The following CADM1 variants were observed in gnomAD, a reference collection of about 807,000 sequenced individuals.
CADM1 encodes the protein TSLC-1.
Under a neutral mutation model 53.1 loss-of-function variants are expected in CADM1, and 15 were observed. The observed-to-expected ratio is 0.28, with a 90% CI of 0.19 to 0.44. The LOEUF is 0.44. Among genes scored for constraint, CADM1 ranks in the 20% least tolerant of loss-of-function variants. The probability of loss-of-function intolerance (pLI) is 1.00; values close to 1 mark genes in which losing one functional copy is unlikely to be tolerated. For missense variants in CADM1, 434 were observed against 611.3 expected (o/e 0.71, Z 3.06); for synonymous variants, 281 against 243.0 (o/e 1.16, Z -1.45).
intron 1 of CADM1, among the ~76,000 whole-genome samples, chr11:115,368,853 A>G (rs1290416995): frequency 6.6e-6 from 1 of 151,940 alleles, no homozygotes; most frequent in Non-Finnish European, 1.5e-5. Context: ...ACAAATAGCT[A>G]TTGAGCACTT....
At chr11:115,375,738 G>A (rs1441517793) in intron 1 of CADM1, among the ~76,000 whole-genome samples, 1 of 151,890 alleles carries the variant, frequency 6.6e-6, no homozygotes, top group Non-Finnish European at 1.5e-5. Flanking sequence ...ATTGCACGTA[G>A]GGAGTATGCT....
chr11:115,271,506 T>C (rs1191329460), intron 1 of CADM1, among the ~76,000 whole-genome samples: 1 of 152,120 alleles, frequency 6.6e-6, no homozygotes, highest in Admixed American at 6.6e-5. Context: ...ATGGTCTCGA[T>C]CTCCCGACCT....
chr11:115,290,932 T>C (rs562444256), intron 1 of CADM1, among the ~76,000 whole-genome samples: 1 of 152,202 alleles, frequency 6.6e-6, no homozygotes, highest in South Asian at 2.1e-4. Context: ...GTCTTCAGCA[T>C]ACCAAAACAT....
intron 6 of CADM1, among the ~76,000 whole-genome samples, chr11:115,216,582 G>A (rs1306951980): frequency 1.3e-5 from 2 of 152,122 alleles, no homozygotes; most frequent in African/African-American, 4.8e-5. Context: ...GCTCAAACGA[G>A]AAAAAGATCA....
chr11:115,437,763 GATTTT>G (rs1948216167), intron 1 of CADM1, among the ~76,000 whole-genome samples: 1 of 152,068 alleles, frequency 6.6e-6, no homozygotes, highest in African/African-American at 2.4e-5. Flanking sequence ...TCCTACCACA[GATTTT>G]ATTTATTACC....
At chr11:115,494,485 A>G (rs1949567793) in intron 1 of CADM1, among the ~76,000 whole-genome samples, 1 of 152,170 alleles carries the variant, frequency 6.6e-6, no homozygotes, top group Admixed American at 6.5e-5. Flanking sequence ...GAAGACCCAG[A>G]AATTAGAGAT....
chr11:115,389,389 T>A (rs1946777795), intron 1 of CADM1, among the ~76,000 whole-genome samples: 1 of 152,218 alleles, frequency 6.6e-6, no homozygotes, highest in Admixed American at 6.5e-5. Flanking sequence ...CATAACTTTA[T>A]TTCTGGAAAT....
chr11:115,290,815 A>C (rs1297969747), intron 1 of CADM1, among the ~76,000 whole-genome samples: 1 of 152,228 alleles, frequency 6.6e-6, no homozygotes, highest in Non-Finnish European at 1.5e-5. Flanking sequence ...GTTTAAATCC[A>C]AAGGCTTGTT....
chr11:115,271,203 T>A (rs1943286600), intron 1 of CADM1, among the ~76,000 whole-genome samples: 1 of 152,034 alleles, frequency 6.6e-6, no homozygotes, highest in Admixed American at 6.6e-5. Flanking sequence ...AAGTAAAGGG[T>A]CAAGTTCATT....
intron 1 of CADM1, among the ~76,000 whole-genome samples, chr11:115,395,277 A>G (rs192553135): frequency 6.6e-6 from 1 of 152,310 alleles, no homozygotes; most frequent in East Asian, 1.9e-4. Context: ...AAATTCTTCT[A>G]CCTTCTTTCA....
At chr11:115,493,964 C>T (rs1382438355) in intron 1 of CADM1, among the ~76,000 whole-genome samples, 3 of 152,114 alleles carry the variant, frequency 2.0e-5, no homozygotes, top group Non-Finnish European at 2.9e-5. Context: ...AACAAAGTAA[C>T]TGGGGAAATA....
At chr11:115,201,825 G>A (rs923964002) in intron 8 of CADM1, among the ~76,000 whole-genome samples, 4 of 152,026 alleles carry the variant, frequency 2.6e-5, no homozygotes, top group Admixed American at 6.5e-5. Context: ...CTGAGCTACT[G>A]TCTCTTAATT....
At chr11:115,503,889 C>A (rs1471751200) in intron 1 of CADM1, among the ~76,000 whole-genome samples, 1 of 152,022 alleles carries the variant, frequency 6.6e-6, no homozygotes, top group Non-Finnish European at 1.5e-5. Context: ...GGAGGACCTG[C>A]AAGTTACGGG....
chr11:115,433,578 C>G (rs910617681), intron 1 of CADM1, among the ~76,000 whole-genome samples: 1 of 152,170 alleles, frequency 6.6e-6, no homozygotes, highest in Non-Finnish European at 1.5e-5. Context: ...CAGAAGGAAG[C>G]AAACGCACAT....
At chr11:115,364,144 A>G (rs1470393137) in intron 1 of CADM1, among the ~76,000 whole-genome samples, 6 of 152,178 alleles carry the variant, frequency 3.9e-5, no homozygotes, top group East Asian at 3.9e-4. Flanking sequence ...ACATGACTGT[A>G]TATCTGTGAT....
chr11:115,496,480 GA>G (rs904269779), intron 1 of CADM1, among the ~76,000 whole-genome samples: 1 of 152,174 alleles, frequency 6.6e-6, no homozygotes, highest in African/African-American at 2.4e-5. Context: ...GGATTAAGCT[GA>G]AAAGTAATAA....
intron 9 of CADM1, among the ~76,000 whole-genome samples, chr11:115,191,596 T>A (rs547545278): frequency 6.6e-6 from 1 of 152,306 alleles, no homozygotes; most frequent in African/African-American, 2.4e-5. Flanking sequence ...GAAATGCCTA[T>A]ATCCGAGTCA....
chr11:115,437,867 A>T (rs1293171782), intron 1 of CADM1, among the ~76,000 whole-genome samples: 1 of 152,202 alleles, frequency 6.6e-6, no homozygotes, highest in African/African-American at 2.4e-5. Flanking sequence ...AATTTGAGGA[A>T]GTGTTTCTAT....
At position 115,429,748 on chromosome 11, in the gene CADM1, T is replaced by A. The variant is rs952205794; in HGVS notation, c.124+74523A>T. Among the ~76,000 whole-genome samples the A allele has an allele frequency of 2.6e-5, 4 of 152,194 alleles. No homozygotes were observed. In the South Asian group the frequency reaches 8.3e-4, roughly 32 times the overall value. On this transcript the variant is annotated intron_variant, in intron 1 of 11. Transcript: ENST00000331581. ...GAGCTCTACTGAGCTAACAATGCCA[T>A]GAGGTTACAAAAAATAATAAAAAAT... is the stretch of plus-strand genomic sequence containing the variant.
Sources: gnomAD v4.1 joint callset for allele counts (sites outside exome capture counted in the v4.1 genomes callset) on GRCh38, gnomAD v4.1.1 for gene constraint, MANE v1.5 for transcripts, NCBI Gene and HGNC (gene_info 2026-07-23, HGNC 2026-07-21) for gene names.